Variants in ZDHHC16 observed in about 807,000 individuals in gnomAD.
The protein encoded by ZDHHC16 is zDHHC palmitoyltransferase 16, also known as palmitoyltransferase ZDHHC16.
Under a neutral mutation model 54.4 loss-of-function variants are expected in ZDHHC16, and 33 were observed. The ratio of observed to expected loss-of-function variants is 0.61; its 90% CI spans 0.46 to 0.81. The LOEUF is 0.81. ZDHHC16 is among the 30% of genes least tolerant of loss of function. The pLI, the probability that ZDHHC16 is intolerant of heterozygous loss-of-function variation, is 0.00. For synonymous variants in ZDHHC16, 185 were observed against 182.1 expected (o/e 1.02, Z -0.13); for missense variants, 420 against 485.9 (o/e 0.86, Z 1.28).
chr10:97,452,614 C>T, intron 5 of ZDHHC16, 111 bp downstream of exon 5: 2 of 1,196,654 alleles, frequency 1.7e-6, no homozygotes, highest in Non-Finnish European at 2.4e-6. Flanking sequence ...CATCGTGTCC[C>T]AGGTGATGTG....
intron 9 of ZDHHC16, 60 bp downstream of exon 9, chr10:97,454,859 C>T (rs1369443290): frequency 9.6e-6 from 14 of 1,459,406 alleles, no homozygotes; most frequent in African/African-American, 2.8e-5. Flanking sequence ...TTTTTAGGTG[C>T]CCACACGCAG....
intron 7 of ZDHHC16, 24 bp downstream of exon 7, chr10:97,453,687 G>C (rs1330318115): frequency 1.2e-6 from 2 of 1,614,198 alleles, no homozygotes; most frequent in Non-Finnish European, 8.5e-7. Context: ...GAACAGGGCA[G>C]CTCAGTAGTG....
At chr10:97,453,501 A>G (rs776512725) in intron 6 of ZDHHC16, 29 bp from the exon 7 acceptor site, 13 of 1,611,138 alleles carry the variant, frequency 8.1e-6, no homozygotes, top group Non-Finnish European at 1.1e-5. Context: ...ATTGTGTTTG[A>G]TTCTAGTCCT....
chr10:97,456,845 C>T lies in ZDHHC16; in HGVS notation c.1088C>T (p.Pro363Leu). Residue 363 changes from proline (P) to leucine (L), a missense_variant, in exon 12 of 12, where the codon CCC becomes CTC. Physicochemically the swap from Pro to Leu is moderately conservative, Grantham distance 98. Transcript: ENST00000393760. The stretch of plus-strand genomic sequence containing the variant: ...CATGGGAATGGAATGAGCTGGGAGC[C>T]CCCTCCCTGGGTGACTGCTCACTCA... Reference protein sequence around the residue: ...LPHGNGMSWEPPPWVTAHSAS... With the variant: ...LPHGNGMSWELPPWVTAHSAS... The T allele has an allele frequency of 6.2e-7, 1 of 1,613,516 alleles. No individual in the cohort carries two copies. Among genetic ancestry groups the T allele is most frequent in the Non-Finnish European group, 8.5e-7 (1 of 1,179,734 alleles).
At chr10:97,453,401 G>T in intron 6 of ZDHHC16, 129 bp from the exon 7 acceptor site, 2 of 1,328,062 alleles carry the variant, frequency 1.5e-6, no homozygotes, top group Middle Eastern at 1.9e-4. Context: ...CTTGCCTTTG[G>T]AAAGTAGTTC....
intron 1 of ZDHHC16, among the ~76,000 whole-genome samples, chr10:97,448,767 CA>C (rs1248748931): frequency 6.6e-6 from 1 of 151,690 alleles, no homozygotes; most frequent in African/African-American, 2.4e-5. Context: ...CAAAAACAAA[CA>C]AAAAAAGTGT....
intron 4 of ZDHHC16, 39 bp from the exon 5 acceptor site, chr10:97,452,376 A>C (rs1846723789): frequency 6.2e-7 from 1 of 1,612,300 alleles, no homozygotes; most frequent in Non-Finnish European, 8.5e-7. Flanking sequence ...TTTGAGAGAC[A>C]GAACTGGTGC....
In ZDHHC16 at chr10:97,456,027, G is replaced by A. The variant is rs1333957466; in HGVS notation, c.1002G>A (p.Leu334=). 1.9e-6 allele frequency: 3 copies of A among 1,614,168 alleles called. No individual in the cohort carries two copies. The highest frequency in any genetic ancestry group is 3.3e-5 in the Admixed American group (2 of 60,022). ...GCTTGGACAACTGGAAGGTATTCCT[G>A]GGTGTGGATACAGGAAGGTAATGTA... is the stretch of plus-strand genomic sequence containing the variant. The part of the protein sequence containing the change: ...YGCLDNWKVF[L]GVDTGRHWLT... The change falls in exon 11 of 12, where the codon CTG becomes CTA. Residue 334 remains leucine, a synonymous_variant. Transcript: ENST00000393760.
rs35173837 is a variant in ZDHHC16, at chr10:97,449,861, C to CTTTTTTTTTTTTTTTTTTTTTT, written c.-185-475_-185-474insTTTTTTTTTTTTTTTTTTTTTT. On this transcript the variant is annotated intron_variant, in intron 1 of 11. Transcript: ENST00000393760. ...TCTCTTTTCTACACTCCCCTTAATTCTTTTTTTTTTTTTTTTTTTTTGAGA... is the reference window on the plus strand; with the variant it reads ...TCTCTTTTCTACACTCCCCTTAATTCTTTTTTTTTTTTTTTTTTTTTTTTTTTTTTTTTTTTTTTTTTTGAGA... 1.3e-4 allele frequency among the ~76,000 whole-genome samples: 11 copies of CTTTTTTTTTTTTTTTTTTTTTT among 81,530 alleles called. 1 individual carries two copies. The highest frequency in any genetic ancestry group is 2.9e-4 in the African/African-American group (5 of 17,024). The allele number at this position is 81,530 out of a possible 152,430, so 53.5% of individuals were successfully genotyped here.
chr10:97,456,059 A>G lies in ZDHHC16; in HGVS notation c.1019+15A>G, dbSNP rs745778024. 1 of 1,613,536 alleles carries G rather than the reference A, an allele frequency of 6.2e-7. No homozygotes were observed. The highest frequency in any genetic ancestry group is 8.5e-7 in the Non-Finnish European group (1 of 1,179,488). On this transcript the variant is annotated intron_variant, in intron 11 of 11. Coordinates refer to ENST00000393760, the MANE Select transcript of ZDHHC16 (RefSeq NM_198046.3). The stretch of plus-strand genomic sequence containing the variant: ...GATACAGGAAGGTAATGTAAGACAC[A>G]CAGACTAATGCTGTCCAACAGAACA...
At position 97,453,483 on chromosome 10, in the gene ZDHHC16, C is replaced by T. The variant is rs375330661; in HGVS notation, c.557-47C>T. On this transcript the variant is annotated intron_variant, in intron 6 of 11. Transcript: ENST00000393760. ...GGATGAACCTGAGGGGCCTGGACACCGCCTGAAATTGTGTTTGATTCTAGT... is the reference window on the plus strand; with the variant it reads ...GGATGAACCTGAGGGGCCTGGACACTGCCTGAAATTGTGTTTGATTCTAGT... 38 of 1,599,578 alleles carry T rather than the reference C, an allele frequency of 2.4e-5. No homozygotes were observed. The Middle Eastern group carries it at 5.0e-4, about 21-fold the overall frequency.
chr10:97,454,514 C>T (rs559067947), intron 8 of ZDHHC16, among the ~76,000 whole-genome samples, 200 bp from the exon 9 acceptor site: 1 of 152,356 alleles, frequency 6.6e-6, no homozygotes, highest in South Asian at 2.1e-4. Flanking sequence ...TGTCCAGACC[C>T]TGCTCTGCTG....
At position 97,457,164 on chromosome 10, in the gene ZDHHC16, C is replaced by T. The variant is rs1335644874; in HGVS notation, c.*273C>T. 2 of 226,420 alleles carry T rather than the reference C, an allele frequency of 8.8e-6. No individual in the cohort carries two copies. Among genetic ancestry groups the T allele is most frequent in the African/African-American group, 4.5e-5 (2 of 44,096 alleles). 14.0% of individuals were successfully genotyped at this position (226,420 alleles called of 1,614,324 possible). A position where few individuals can be genotyped will look rare whatever the true frequency, so the allele number is the denominator to read the frequency against. On this transcript the variant is annotated 3_prime_UTR_variant, in exon 12 of 12. Coordinates refer to ENST00000393760, the MANE Select transcript of ZDHHC16 (RefSeq NM_198046.3). Reference sequence around the variant, plus strand: ...CAGGCAGCTAGCTACCTACCTTGCCCAGTGCTGACCCGGACCTCCTCCAGG... The same window carrying T: ...CAGGCAGCTAGCTACCTACCTTGCCTAGTGCTGACCCGGACCTCCTCCAGG...
At chr10:97,451,631 A>C (rs1846619912) in intron 2 of ZDHHC16, 40 bp from the exon 3 acceptor site, 2 of 1,570,932 alleles carry the variant, frequency 1.3e-6, no homozygotes, top group East Asian at 2.2e-5. Context: ...GTAGGGAGGG[A>C]GGGCTCAGAC....
At chr10:97,449,677 C>T (rs1177225043) in intron 1 of ZDHHC16, among the ~76,000 whole-genome samples, 3 of 151,960 alleles carry the variant, frequency 2.0e-5, no homozygotes, top group East Asian at 1.9e-4. Flanking sequence ...TACAGGCACG[C>T]GCCACCATGC....
rs777521398 is a variant in ZDHHC16 at position 97,453,675 on chromosome 10, A to G, written c.690+12A>G. On this transcript the variant is annotated intron_variant, in intron 7 of 11. Transcript: ENST00000393760. Reference sequence around the variant, plus strand: ...ATGCTGCCATTGAGGTGAGCTCATCAGGAACAGGGCAGCTCAGTAGTGCAG... The same window carrying G: ...ATGCTGCCATTGAGGTGAGCTCATCGGGAACAGGGCAGCTCAGTAGTGCAG... 1 of 1,614,198 alleles carries G rather than the reference A, an allele frequency of 6.2e-7. No individual in the cohort carries two copies. Among genetic ancestry groups the G allele is most frequent in the Admixed American group, 1.7e-5 (1 of 60,028 alleles).
chr10:97,456,833 T>C lies in ZDHHC16; in HGVS notation c.1076T>C (p.Met359Thr), dbSNP rs779993152. ...PSSHLPHGNGMSWEPPPWVTA... is the reference protein window; with the variant it reads ...PSSHLPHGNGTSWEPPPWVTA... Reference sequence around the variant, plus strand: ...AGTCACTTGCCCCATGGGAATGGAATGAGCTGGGAGCCCCCTCCCTGGGTG... The same window carrying C: ...AGTCACTTGCCCCATGGGAATGGAACGAGCTGGGAGCCCCCTCCCTGGGTG... The change falls in exon 12 of 12, where the codon ATG (methionine) becomes ACG (threonine). Residue 359 changes from methionine (M) to threonine (T), a missense_variant. Coordinates refer to ENST00000393760, the MANE Select transcript of ZDHHC16 (RefSeq NM_198046.3). 1.2e-6 allele frequency: 2 copies of C among 1,613,728 alleles called. No individual in the cohort carries two copies. Among genetic ancestry groups the C allele is most frequent in the Non-Finnish European group, 1.7e-6 (2 of 1,179,862 alleles).
Position 97,452,469 on chromosome 10 carries a change from C to T in ZDHHC16, c.493C>T (p.Pro165Ser). The change falls in exon 5 of 12, where the codon CCA (proline) becomes TCA (serine). Residue 165 changes from proline (P) to serine (S), a missense_variant. Physicochemically the swap from Pro to Ser is moderately conservative, Grantham distance 74. Transcript: ENST00000393760. Reference protein sequence around the residue: ...SICKKCIYPKPARTHHCSICN... With the variant: ...SICKKCIYPKSARTHHCSICN... ...CTGTAAGAAGTGCATTTACCCCAAG[C>T]CAGCCCGAACACACCACTGCAGCAT... 6.2e-7 allele frequency: 1 copy of T among 1,614,236 alleles called. No homozygotes were observed. Among genetic ancestry groups the T allele is most frequent in the Non-Finnish European group, 8.5e-7 (1 of 1,180,034 alleles).
Position 97,455,771 on chromosome 10 carries a change from G to A in ZDHHC16, c.936G>A (p.Gln312=), listed in dbSNP as rs1211406020. ...HINKKERRRL[Q]AKGRVFRNPY... is the part of the protein sequence containing the mutation. ...ACAAGAAGGAGAGACGTCGGCTACAGGCCAAGGGCAGAGTGAGTAGGGTTG... is the reference window on the plus strand; with the variant it reads ...ACAAGAAGGAGAGACGTCGGCTACAAGCCAAGGGCAGAGTGAGTAGGGTTG... The change falls in exon 10 of 12, where the codon CAG becomes CAA. Residue 312 remains glutamine, a synonymous_variant. Transcript: ENST00000393760. The A allele has an allele frequency of 6.2e-7, 1 of 1,614,168 alleles. No homozygotes were observed. Among genetic ancestry groups the A allele is most frequent in the South Asian group, 1.1e-5 (1 of 91,082 alleles).
Sources: gnomAD v4.1 joint callset for allele counts (sites outside exome capture counted in the v4.1 genomes callset) on GRCh38, gnomAD v4.1.1 for gene constraint, MANE v1.5 for transcripts, NCBI Gene and HGNC (gene_info 2026-07-23, HGNC 2026-07-21) for gene names.